Variants in KIRREL3 observed in about 807,000 individuals in gnomAD.
The protein encoded by KIRREL3 is kirre like nephrin family adhesion molecule 3, also known as kin of IRRE-like protein 3.
In KIRREL3, 36 loss-of-function variants were observed where a neutral mutation model predicts 89.7. The ratio of observed to expected loss-of-function variants is 0.40; its 90% CI spans 0.31 to 0.53. The LOEUF (loss-of-function observed/expected upper bound fraction) is 0.53. Ranked by LOEUF, KIRREL3 falls within the 20% of genes least tolerant of loss-of-function variation. The probability of loss-of-function intolerance (pLI) is 0.49; values close to 1 mark genes in which losing one functional copy is unlikely to be tolerated. For synonymous variants in KIRREL3, 445 were observed against 441.4 expected, an observed-to-expected ratio of 1.01 and a Z score of -0.10; for missense variants, 864 against 1,056.6, an observed-to-expected ratio of 0.82 and a Z score of 2.53.
At chr11:126,712,626 G>A (rs1484590908) in intron 1 of KIRREL3, among the ~76,000 whole-genome samples, 1 of 152,202 alleles carries the variant, frequency 6.6e-6, no homozygotes, top group East Asian at 1.9e-4. Flanking sequence ...AGGATCACCC[G>A]CCACGGCTTT....
chr11:126,799,541 AGAT>A (rs1230948788), intron 1 of KIRREL3, among the ~76,000 whole-genome samples: 4 of 6,564 alleles, frequency 6.1e-4, no homozygotes, highest in Non-Finnish European at 1.3e-3. Context: ...TGGAAAAATA[AGAT>A]GATAAGAGCT....
Position 126,904,433 on chromosome 11 carries a change from G to A in KIRREL3, c.55+96022C>T, listed in dbSNP as rs913718343. Among the ~76,000 whole-genome samples the A allele has an allele frequency of 6.6e-6, 1 of 152,178 alleles. No homozygotes were observed. Among genetic ancestry groups the A allele is most frequent in the African/African-American group, 2.4e-5 (1 of 41,450 alleles). On this transcript the variant is annotated intron_variant, in intron 1 of 16. Coordinates refer to ENST00000525144, the MANE Select transcript of KIRREL3 (RefSeq NM_032531.4). This position sits in a 1 kb window ranked among gnomAD's most constrained non-coding sequence, Gnocchi z 4.4. ...GATCACTAGTGGGGATAGTGCAACT[G>A]ATAAAAGGAACCTGCTCCAAAGCAA... is the stretch of plus-strand genomic sequence containing the variant.
At chr11:126,460,609 G>A (rs1053491385) in intron 6 of KIRREL3, among the ~76,000 whole-genome samples, 1 of 152,198 alleles carries the variant, frequency 6.6e-6, no homozygotes, top group African/African-American at 2.4e-5. Flanking sequence ...CTCCTAAGGT[G>A]GCTGAGATGT....
At chr11:126,725,637 C>G (rs918886269) in intron 1 of KIRREL3, among the ~76,000 whole-genome samples, 2 of 152,212 alleles carry the variant, frequency 1.3e-5, no homozygotes, top group African/African-American at 4.8e-5. Flanking sequence ...CCGTCCTTGT[C>G]TGGAGGAGGC....
intron 2 of KIRREL3, among the ~76,000 whole-genome samples, chr11:126,542,637 A>T (rs1250222477): frequency 6.6e-6 from 1 of 152,050 alleles, no homozygotes; most frequent in Non-Finnish European, 1.5e-5. Context: ...CACCTTCCCC[A>T]TCTCCTGTCT....
chr11:126,983,245 C>T lies in KIRREL3; in HGVS notation c.55+17210G>A, dbSNP rs531943170. On this transcript the variant is annotated intron_variant, in intron 1 of 16. Transcript: ENST00000525144. The surrounding 1 kb of genome is among the most constrained non-coding windows in gnomAD (Gnocchi z 4.9). ...ATTTGATAATCCCAATAGATACACA[C>T]GGGGGAAGGTCATTTTCTCTAACTT... Among the ~76,000 whole-genome samples the T allele has an allele frequency of 1.1e-4, 16 of 152,000 alleles. 1 individual carries two copies. The highest frequency in any genetic ancestry group is 4.2e-4 in the South Asian group (2 of 4,792).
At chr11:126,582,134 C>G (rs920479637) in intron 1 of KIRREL3, among the ~76,000 whole-genome samples, 2 of 152,176 alleles carry the variant, frequency 1.3e-5, no homozygotes, top group African/African-American at 4.8e-5. Context: ...ATTCCTCTGG[C>G]CTTACTGGGT....
intron 1 of KIRREL3, among the ~76,000 whole-genome samples, chr11:126,926,855 C>T (rs1261655059): frequency 2.6e-5 from 4 of 152,036 alleles, no homozygotes; most frequent in African/African-American, 7.2e-5. Context: ...GGATTTTTCC[C>T]CCATTTTAGT....
chr11:126,693,631 A>ACACACACC (rs775737611), intron 1 of KIRREL3, among the ~76,000 whole-genome samples: 10 of 151,454 alleles, frequency 6.6e-5, no homozygotes, highest in African/African-American at 2.2e-4. Context: ...ACACACACAC[A>ACACACACC]CCCATAGTCA....
Position 126,515,486 on chromosome 11 carries a change from G to T in KIRREL3, c.433+5829C>A, listed in dbSNP as rs1958381205. Among the ~76,000 whole-genome samples the T allele has an allele frequency of 6.6e-6, 1 of 152,160 alleles. No homozygotes were observed. The highest frequency in any genetic ancestry group is 2.1e-4 in the South Asian group (1 of 4,834). ...GCCTAAGGAAGTGAAAAGGACCACA[G>T]GGGGACAGTCAGGCCATGTGGGCTC... is the stretch of plus-strand genomic sequence containing the variant. On this transcript the variant is annotated intron_variant, in intron 4 of 16. Coordinates refer to ENST00000525144, the MANE Select transcript of KIRREL3 (RefSeq NM_032531.4). The surrounding 1 kb of genome is among the most constrained non-coding windows in gnomAD (Gnocchi z 4.2).
intron 1 of KIRREL3, among the ~76,000 whole-genome samples, chr11:126,756,830 C>T (rs1195244894): frequency 1.3e-5 from 2 of 152,134 alleles, no homozygotes; most frequent in Admixed American, 1.3e-4. Flanking sequence ...TCCCTGCGTC[C>T]CTGCCAAATT....
intron 1 of KIRREL3, among the ~76,000 whole-genome samples, chr11:126,649,751 G>A (rs1417426266): frequency 6.6e-6 from 1 of 152,168 alleles, no homozygotes; most frequent in Non-Finnish European, 1.5e-5. Flanking sequence ...GGTGCAAGCT[G>A]TTGGTGGATC....
chr11:126,848,890 C>A (rs1006904164), intron 1 of KIRREL3, among the ~76,000 whole-genome samples: 2 of 152,184 alleles, frequency 1.3e-5, no homozygotes, highest in African/African-American at 4.8e-5. Flanking sequence ...CTCTATTCAG[C>A]ATGAAGAAGT....
chr11:126,984,476 G>T (rs917503364), intron 1 of KIRREL3, among the ~76,000 whole-genome samples: 1 of 152,132 alleles, frequency 6.6e-6, no homozygotes, highest in Admixed American at 6.5e-5. Flanking sequence ...GTGCAGGGGG[G>T]TCACAGCCTA....
At position 126,454,980 on chromosome 11, in the gene KIRREL3, C is replaced by A. The variant is rs1956290133; in HGVS notation, c.848+1369G>T. Among the ~76,000 whole-genome samples the A allele has an allele frequency of 6.6e-6, 1 of 152,216 alleles. No homozygotes were observed. The highest frequency in any genetic ancestry group is 2.4e-5 in the African/African-American group (1 of 41,456). On this transcript the variant is annotated intron_variant, in intron 7 of 16. Transcript: ENST00000525144. The surrounding 1 kb of genome is among the most constrained non-coding windows in gnomAD (Gnocchi z 5.8). The stretch of plus-strand genomic sequence containing the variant: ...CTCTGCAGGGAGCACCTCCTCATGT[C>A]CAACCTGAATCCCTGGCTGTCCCTG...
intron 1 of KIRREL3, among the ~76,000 whole-genome samples, chr11:126,630,598 G>T (rs1943978273): frequency 6.6e-6 from 1 of 152,106 alleles, no homozygotes; most frequent in Non-Finnish European, 1.5e-5. Flanking sequence ...TCCTTATCCA[G>T]CAATGACTTA....
intron 1 of KIRREL3, among the ~76,000 whole-genome samples, chr11:126,868,845 G>A (rs573509729): frequency 6.6e-6 from 1 of 152,132 alleles, no homozygotes; most frequent in South Asian, 2.1e-4. Context: ...GGCACTGGCA[G>A]ATTAGGTGTC....
intron 1 of KIRREL3, among the ~76,000 whole-genome samples, chr11:126,732,437 T>C (rs983064100): frequency 2.6e-5 from 4 of 152,162 alleles, no homozygotes; most frequent in Admixed American, 2.0e-4. Context: ...AATGCTTCAT[T>C]GTTAGCTGGA....
rs1047218851 is a variant in KIRREL3, at chr11:126,788,278, T to G, written c.55+212177A>C. On this transcript the variant is annotated intron_variant, in intron 1 of 16. Transcript: ENST00000525144. The surrounding 1 kb of genome is among the most constrained non-coding windows in gnomAD (Gnocchi z 4.1). ...GGGCTGCTCTCCAAGCCCCAATTCT[T>G]TTGCATACATTTGGGCTTCCACTTC... 6.6e-6 allele frequency among the ~76,000 whole-genome samples: 1 copy of G among 152,236 alleles called. No individual in the cohort carries two copies. The highest frequency in any genetic ancestry group is 6.5e-5 in the Admixed American group (1 of 15,288).
Sources: gnomAD v4.1 joint callset for allele counts (sites outside exome capture counted in the v4.1 genomes callset) on GRCh38, gnomAD v4.1.1 for gene constraint, Gnocchi (gnomAD v3.1) non-coding constraint, MANE v1.5 for transcripts, NCBI Gene and HGNC (gene_info 2026-07-23, HGNC 2026-07-21) for gene names.